ELP4: variants seen among roughly 807,000 people sequenced by gnomAD.
ELP4 encodes elongator acetyltransferase complex subunit 4, also known as elongator complex protein 4.
In ELP4, 51 loss-of-function variants were observed where a neutral mutation model predicts 48.9. The ratio of observed to expected loss-of-function variants is 1.04; its 90% CI spans 0.83 to 1.32. The LOEUF (loss-of-function observed/expected upper bound fraction) is 1.32, where lower values mean the gene tolerates loss of function less well. Ranked by LOEUF, ELP4 falls within the 40% of genes most tolerant of loss-of-function variation. The pLI is 0.00. For missense variants in ELP4, 519 were observed against 514.6 expected, an observed-to-expected ratio of 1.01 and a Z score of -0.08; for synonymous variants, 210 against 189.2, an observed-to-expected ratio of 1.11 and a Z score of -0.90.
intron 9 of ELP4, 102 bp from the exon 10 acceptor site, chr11:31,783,291 C>A: frequency 1.9e-6 from 2 of 1,028,664 alleles, no homozygotes; most frequent in South Asian, 1.8e-5. Context: ...AAATGCTGAT[C>A]AACAGAGCAT....
chr11:31,591,060 AAAAT>A (rs1336404819), intron 3 of ELP4, among the ~76,000 whole-genome samples: 2 of 152,154 alleles, frequency 1.3e-5, no homozygotes, highest in Non-Finnish European at 2.9e-5. Context: ...TCTACTATCT[AAAAT>A]AAATAAAGTA....
At chr11:31,539,313 A>C (rs1440214742) in intron 2 of ELP4, among the ~76,000 whole-genome samples, 2 of 152,146 alleles carry the variant, frequency 1.3e-5, no homozygotes, top group African/African-American at 4.8e-5. Flanking sequence ...AAATACAGAA[A>C]AATTAGCCGG....
intron 9 of ELP4, among the ~76,000 whole-genome samples, chr11:31,779,181 A>G (rs1948314013): frequency 6.6e-6 from 1 of 152,246 alleles, no homozygotes; most frequent in Admixed American, 6.5e-5. Context: ...TCATCTGCTA[A>G]GGGTCAAAGT....
intron 5 of ELP4, among the ~76,000 whole-genome samples, chr11:31,617,150 G>C (rs914976439): frequency 1.3e-5 from 2 of 152,068 alleles, no homozygotes; most frequent in Admixed American, 1.3e-4. Flanking sequence ...TTGGCAAGAG[G>C]TGATAGTAGT....
chr11:31,750,346 T>C (rs1184660101), intron 9 of ELP4, among the ~76,000 whole-genome samples: 1 of 152,180 alleles, frequency 6.6e-6, no homozygotes, highest in Non-Finnish European at 1.5e-5. Flanking sequence ...TTCTAAACTC[T>C]GGAGAAACTT....
rs1235203370 is a variant in ELP4, at chr11:31,788,798, A to G, written c.*5274A>G. 2 of 206,714 alleles carry G rather than the reference A, an allele frequency of 9.7e-6. No homozygotes were observed. The highest frequency in any genetic ancestry group is 7.4e-5 in the East Asian group (1 of 13,564). 12.8% of individuals were successfully genotyped at this position (206,714 alleles called of 1,614,324 possible). On this transcript the variant is annotated 3_prime_UTR_variant, in exon 10 of 10. Transcript: ENST00000640961. ...AACACGTTTTTGATTTATGGTATCT[A>G]TAAGGATTATTTTTTAAGGATCATC... is the stretch of plus-strand genomic sequence containing the variant.
At chr11:31,563,815 C>T (rs1301903720) in intron 3 of ELP4, among the ~76,000 whole-genome samples, 1 of 152,038 alleles carries the variant, frequency 6.6e-6, no homozygotes, top group Non-Finnish European at 1.5e-5. Flanking sequence ...AGAACCAAAA[C>T]TCTGATAATC....
intron 9 of ELP4, among the ~76,000 whole-genome samples, chr11:31,661,671 C>T (rs1945558143): frequency 1.2e-5 from 1 of 86,954 alleles, no homozygotes; most frequent in Admixed American, 1.1e-4. Context: ...GAGGGTGTGA[C>T]CATTAAAAAA....
chr11:31,549,267 A>G (rs1024325237), intron 3 of ELP4, among the ~76,000 whole-genome samples: 2 of 151,892 alleles, frequency 1.3e-5, no homozygotes, highest in African/African-American at 4.8e-5. Context: ...CAGAATCTAC[A>G]ATGAACTCAA....
At position 31,525,286 on chromosome 11, in the gene ELP4, A is replaced by G. The variant is rs367634256; in HGVS notation, c.259+5195A>G. ...AGTAGAACTTTGTTAAAGGACTGAA[A>G]TAGGACAACTGATATCAGTGCAGTC... On this transcript the variant is annotated intron_variant, in intron 2 of 9. Coordinates refer to ENST00000640961, the MANE Select transcript of ELP4 (RefSeq NM_019040.5). Among the ~76,000 whole-genome samples the G allele has an allele frequency of 3.3e-5, 5 of 152,188 alleles. 1 individual carries two copies. In the South Asian group the frequency reaches 1.0e-3, roughly 32 times the overall value.
At chr11:31,640,312 G>A (rs1014012730) in intron 7 of ELP4, among the ~76,000 whole-genome samples, 9 of 151,834 alleles carry the variant, frequency 5.9e-5, no homozygotes, top group Non-Finnish European at 2.9e-5. Flanking sequence ...AAAAATACCT[G>A]TGAGAAAACA....
At chr11:31,668,781 A>G (rs1437725277) in intron 9 of ELP4, among the ~76,000 whole-genome samples, 1 of 150,390 alleles carries the variant, frequency 6.6e-6, no homozygotes, top group Non-Finnish European at 1.5e-5. Flanking sequence ...CTGACCTAGG[A>G]TGAAGCTGTT....
intron 5 of ELP4, among the ~76,000 whole-genome samples, chr11:31,620,360 G>T (rs1944593605): frequency 6.6e-6 from 1 of 152,030 alleles, no homozygotes; most frequent in Admixed American, 6.6e-5. Flanking sequence ...AAGCAGGTGA[G>T]TGAAAGGTGT....
At chr11:31,581,811 T>C (rs1310582693) in intron 3 of ELP4, among the ~76,000 whole-genome samples, 2 of 151,732 alleles carry the variant, frequency 1.3e-5, no homozygotes, top group Non-Finnish European at 2.9e-5. Context: ...TAGAATGCAC[T>C]GGTGTGATCA....
In ELP4 at chr11:31,789,449, TATGCAAAGGAATG is replaced by T. The variant is rs1949069741; in HGVS notation, c.*5928_*5940del. On this transcript the variant is annotated 3_prime_UTR_variant, in exon 10 of 10. Coordinates refer to ENST00000640961, the MANE Select transcript of ELP4 (RefSeq NM_019040.5). ...GTGCATGTTGTTCCAGGTTTAATTA[TATGCAAAGGAATG>T]ATACAAACTTGGAACATCAGTCCAT... 1.8e-5 allele frequency: 8 copies of T among 444,900 alleles called. No individual in the cohort carries two copies. Among genetic ancestry groups the T allele is most frequent in the African/African-American group, 4.1e-5 (2 of 49,308 alleles). The allele number at this position is 444,900 out of a possible 1,614,324, so 27.6% of individuals were successfully genotyped here.
At chr11:31,746,196 T>C (rs1947586073) in intron 9 of ELP4, among the ~76,000 whole-genome samples, 1 of 152,196 alleles carries the variant, frequency 6.6e-6, no homozygotes, top group Non-Finnish European at 1.5e-5. Context: ...AGATACCATC[T>C]CACACCAGTT....
chr11:31,564,836 C>T (rs980810978), intron 3 of ELP4, among the ~76,000 whole-genome samples: 1 of 151,874 alleles, frequency 6.6e-6, no homozygotes, highest in Non-Finnish European at 1.5e-5. Context: ...CCACAATAAA[C>T]ATGTGTGCCT....
chr11:31,616,901 G>A (rs1944497788), intron 5 of ELP4, among the ~76,000 whole-genome samples: 1 of 151,970 alleles, frequency 6.6e-6, no homozygotes, highest in Non-Finnish European at 1.5e-5. Context: ...ATGAAAAATA[G>A]GAAAGGAAAA....
chr11:31,710,703 A>G (rs1323757989), intron 9 of ELP4, among the ~76,000 whole-genome samples: 3 of 152,190 alleles, frequency 2.0e-5, no homozygotes, highest in South Asian at 2.1e-4. Flanking sequence ...ATTTCAGAAG[A>G]AAAGAGTTCA....
Sources: allele counts gnomAD v4.1 joint callset (sites outside exome capture counted in the v4.1 genomes callset), GRCh38; gene constraint gnomAD v4.1.1; transcripts MANE v1.5; gene names NCBI Gene and HGNC (gene_info 2026-07-23, HGNC 2026-07-21).